The following LHX2 variants were observed in gnomAD, a reference collection of about 807,000 sequenced individuals.
LHX2 encodes the protein LIM/homeobox protein Lhx2.
Under a neutral mutation model 33.0 loss-of-function variants are expected in LHX2, and 6 were observed. The ratio of observed to expected loss-of-function variants is 0.18; its 90% CI spans 0.10 to 0.36. The LOEUF (loss-of-function observed/expected upper bound fraction) is 0.36, where lower values mean the gene tolerates loss of function less well. LHX2 is among the 10% of genes least tolerant of loss of function. The probability of loss-of-function intolerance (pLI) is 1.00; values close to 1 mark genes in which losing one functional copy is unlikely to be tolerated. For missense variants in LHX2, 442 were observed against 586.2 expected (o/e 0.75, Z 2.54); for synonymous variants, 292 against 253.1 (o/e 1.15, Z -1.46).
intron 4 of LHX2, among the ~76,000 whole-genome samples, chr9:124,023,994 A>C (rs748950842): frequency 2.4e-4 from 37 of 152,196 alleles, no homozygotes; most frequent in Non-Finnish European, 5.1e-4. Flanking sequence ...AATGATCTCC[A>C]CTTGCCCCAA....
chr9:124,013,930 G>A (rs1264702154), intron 1 of LHX2, 31 bp from the exon 2 acceptor site: 38 of 1,598,310 alleles, frequency 2.4e-5, no homozygotes, highest in Non-Finnish European at 3.1e-5. Flanking sequence ...TGACGCAGGC[G>A]CTGCTGTCTT....
At position 124,012,704 on chromosome 9, in the gene LHX2, T is replaced by C. The variant is rs2118740638; in HGVS notation, c.120+236T>C. On this transcript the variant is annotated intron_variant, in intron 1 of 4. Coordinates refer to ENST00000373615, the MANE Select transcript of LHX2 (RefSeq NM_004789.4). This position sits in a 1 kb window ranked among gnomAD's most constrained non-coding sequence, Gnocchi z 4.3. ...TCGGCCCTGGGGGTAGAGGAGAGCG[T>C]TTCTTCCGAACTGGAAGCGAAGTCC... is the stretch of plus-strand genomic sequence containing the variant. 6.6e-6 allele frequency among the ~76,000 whole-genome samples: 1 copy of C among 152,270 alleles called. No individual in the cohort carries two copies. The highest frequency in any genetic ancestry group is 1.9e-4 in the East Asian group (1 of 5,158).
rs1159691370 is a variant in LHX2, at chr9:124,032,438, C to A, written c.952C>A (p.Arg318=). Residue 318 remains arginine (R), a synonymous_variant, in exon 5 of 5, where the codon CGA becomes AGA. Coordinates refer to ENST00000373615, the MANE Select transcript of LHX2 (RefSeq NM_004789.4). This position sits in a 1 kb window ranked among gnomAD's most constrained non-coding sequence, Gnocchi z 4.1. ...CCCGCAGGTCTGGTTCCAGAACGCC[C>A]GAGCCAAGTTCAGGCGCAACCTCTT... ...RVLQVWFQNA[R]AKFRRNLLRQ... 4.4e-6 allele frequency: 7 copies of A among 1,594,136 alleles called. No homozygotes were observed. In the Admixed American group the frequency reaches 1.0e-4, roughly 23 times the overall value.
Position 124,012,192 on chromosome 9 carries a change from C to T in LHX2, c.-157C>T. 4.5e-6 allele frequency: 3 copies of T among 666,648 alleles called. No homozygotes were observed. The highest frequency in any genetic ancestry group is 6.0e-6 in the Non-Finnish European group (3 of 503,036). 41.3% of individuals were successfully genotyped at this position (666,648 alleles called of 1,614,324 possible). ...TCCTGCCCCGCGAGCGCCCGGGGCC[C>T]GGAGCCCGGCCTGGGGGCTCAGCCG... On this transcript the variant is annotated 5_prime_UTR_variant, in exon 1 of 5. Transcript: ENST00000373615. The surrounding 1 kb of genome is among the most constrained non-coding windows in gnomAD (Gnocchi z 4.3).
chr9:124,025,285 A>G (rs753023187), intron 4 of LHX2, among the ~76,000 whole-genome samples: 2 of 152,034 alleles, frequency 1.3e-5, no homozygotes, highest in Non-Finnish European at 2.9e-5. Context: ...TACTAAAAAT[A>G]CAAAAATTAG....
In LHX2 at chr9:124,014,296, A is replaced by C. The variant is rs1859148125; in HGVS notation, c.323+133A>C. On this transcript the variant is annotated intron_variant, in intron 2 of 4. Transcript: ENST00000373615. This position sits in a 1 kb window ranked among gnomAD's most constrained non-coding sequence, Gnocchi z 4.8. ...CTCAGGACTCCCCCGCTCCCCCCCCAAGTTCTCCAAGCCACCACAAGTTGG... is the reference window on the plus strand; with the variant it reads ...CTCAGGACTCCCCCGCTCCCCCCCCCAGTTCTCCAAGCCACCACAAGTTGG... The C allele has an allele frequency of 5.2e-6, 3 of 577,532 alleles. No homozygotes were observed. Among genetic ancestry groups the C allele is most frequent in the African/African-American group, 2.1e-5 (1 of 47,850 alleles). The allele number at this position is 577,532 out of a possible 1,614,324, so 35.8% of individuals were successfully genotyped here.
intron 3 of LHX2, 53 bp from the exon 4 acceptor site, chr9:124,021,046 G>A: frequency 1.3e-6 from 2 of 1,553,438 alleles, no homozygotes; most frequent in Non-Finnish European, 1.8e-6. Flanking sequence ...TGTGGATTTG[G>A]CATGGGGGGC....
rs559704373 is a variant in LHX2 at position 124,014,294 on chromosome 9, C to A, written c.323+131C>A. ...TACTCAGGACTCCCCCGCTCCCCCC[C>A]CAAGTTCTCCAAGCCACCACAAGTT... On this transcript the variant is annotated intron_variant, in intron 2 of 4. Coordinates refer to ENST00000373615, the MANE Select transcript of LHX2 (RefSeq NM_004789.4). The surrounding 1 kb of genome is among the most constrained non-coding windows in gnomAD (Gnocchi z 4.8). The A allele has an allele frequency of 4.0e-3, 2,491 of 621,172 alleles. 9 individuals carry two copies. The highest frequency in any genetic ancestry group is 6.1e-3 in the Non-Finnish European group (2,039 of 332,888). 38.5% of individuals were successfully genotyped at this position (621,172 alleles called of 1,614,324 possible).
intron 4 of LHX2, among the ~76,000 whole-genome samples, chr9:124,027,041 C>T (rs1828636192): frequency 6.6e-6 from 1 of 152,152 alleles, no homozygotes; most frequent in Non-Finnish European, 1.5e-5. Context: ...TTGGCCTAAA[C>T]CTCTCAGTTC....
intron 3 of LHX2, among the ~76,000 whole-genome samples, chr9:124,018,467 G>A (rs1282170783): frequency 2.0e-5 from 3 of 152,010 alleles, no homozygotes; most frequent in Non-Finnish European, 4.4e-5. Flanking sequence ...CTTGCCTCTG[G>A]CCGGCCTCGG....
intron 3 of LHX2, among the ~76,000 whole-genome samples, chr9:124,018,403 G>T (rs1331482648): frequency 6.6e-6 from 1 of 152,074 alleles, no homozygotes; most frequent in Non-Finnish European, 1.5e-5. Flanking sequence ...GGGGGTTCGG[G>T]GCGCCGGCCA....
At position 124,016,079 on chromosome 9, in the gene LHX2, TCGGC is replaced by T. The variant is rs1859185220; in HGVS notation, c.727+556_727+559del. Among the ~76,000 whole-genome samples, 1 of 152,236 alleles carries T rather than the reference TCGGC, an allele frequency of 6.6e-6. No individual in the cohort carries two copies. The highest frequency in any genetic ancestry group is 2.4e-5 in the African/African-American group (1 of 41,464). On this transcript the variant is annotated intron_variant, in intron 3 of 4. Coordinates refer to ENST00000373615, the MANE Select transcript of LHX2 (RefSeq NM_004789.4). The surrounding 1 kb of genome is among the most constrained non-coding windows in gnomAD (Gnocchi z 4.4). ...AAGCAAAGGCTGCGGTTCCTTTTGCTCGGCCCGATCCTCCTTTAAAGACAGGTCT... is the reference window on the plus strand; with the variant it reads ...AAGCAAAGGCTGCGGTTCCTTTTGCTCCGATCCTCCTTTAAAGACAGGTCT...
At position 124,015,060 on chromosome 9, in the gene LHX2, G is replaced by A. The variant is rs751419562; in HGVS notation, c.324-62G>A. On this transcript the variant is annotated intron_variant, in intron 2 of 4. Transcript: ENST00000373615. This position sits in a 1 kb window ranked among gnomAD's most constrained non-coding sequence, Gnocchi z 7.9. Reference sequence around the variant, plus strand: ...CCCCGCAGCAGCAGCGGCACCTGGAGGAGGAAAAGGGGGGTACCCAACCGT... The same window carrying A: ...CCCCGCAGCAGCAGCGGCACCTGGAAGAGGAAAAGGGGGGTACCCAACCGT... 9.5e-6 allele frequency: 15 copies of A among 1,578,006 alleles called. No homozygotes were observed. The highest frequency in any genetic ancestry group is 2.2e-5 in the East Asian group (1 of 44,572).
At chr9:124,026,518 A>G (rs1264239978) in intron 4 of LHX2, among the ~76,000 whole-genome samples, 1 of 151,886 alleles carries the variant, frequency 6.6e-6, no homozygotes, top group Non-Finnish European at 1.5e-5. Flanking sequence ...CCCAGAGGGC[A>G]TGTGGAGCAA....
rs897647717 is a variant in LHX2 at position 124,016,152 on chromosome 9, G to C, written c.727+627G>C. On this transcript the variant is annotated intron_variant, in intron 3 of 4. Coordinates refer to ENST00000373615, the MANE Select transcript of LHX2 (RefSeq NM_004789.4). This position sits in a 1 kb window ranked among gnomAD's most constrained non-coding sequence, Gnocchi z 4.4. ...TCCTCCGAGTTTCCTGGCGCCTGCT[G>C]GGGTGAGGGCCGTGACCCTCGGAAG... 9.9e-5 allele frequency among the ~76,000 whole-genome samples: 15 copies of C among 152,192 alleles called. No homozygotes were observed. Among genetic ancestry groups the C allele is most frequent in the African/African-American group, 3.6e-4 (15 of 41,452 alleles).
At chr9:124,013,068 C>G (rs1396148335) in intron 1 of LHX2, among the ~76,000 whole-genome samples, 1 of 152,192 alleles carries the variant, frequency 6.6e-6, no homozygotes, top group Non-Finnish European at 1.5e-5. Context: ...GAAGGAGACT[C>G]CATTTGGATC....
Position 124,032,363 on chromosome 9 carries a change from CG to C in LHX2, c.934-51del, listed in dbSNP as rs66776004. ...GCAGCAGAGCTCTGAGTGAAGCAGT[CG>C]GGGGGATGCTCTGCCTGCCTTCCGC... On this transcript the variant is annotated intron_variant, in intron 4 of 4. Transcript: ENST00000373615. This position sits in a 1 kb window ranked among gnomAD's most constrained non-coding sequence, Gnocchi z 4.1. The C allele has an allele frequency of 7.9e-6, 12 of 1,517,472 alleles. No homozygotes were observed. The highest frequency in any genetic ancestry group is 2.5e-5 in the South Asian group (2 of 79,400). 94.0% of individuals were successfully genotyped at this position (1,517,472 alleles called of 1,614,324 possible).
Position 124,014,199 on chromosome 9 carries a change from C to A in LHX2, c.323+36C>A. The A allele has an allele frequency of 1.5e-6, 2 of 1,367,836 alleles. No individual in the cohort carries two copies. Among genetic ancestry groups the A allele is most frequent in the African/African-American group, 1.6e-5 (1 of 63,186 alleles). 84.7% of individuals were successfully genotyped at this position (1,367,836 alleles called of 1,614,324 possible). A position where few individuals can be genotyped will look rare whatever the true frequency, so the allele number is the denominator to read the frequency against. On this transcript the variant is annotated intron_variant, in intron 2 of 4. Coordinates refer to ENST00000373615, the MANE Select transcript of LHX2 (RefSeq NM_004789.4). This position sits in a 1 kb window ranked among gnomAD's most constrained non-coding sequence, Gnocchi z 4.8. ...CACCCAACTGCCCCTCAGGACCCCTCCCCCCAATCTCAGGCACAGTCTTAC... is the reference window on the plus strand; with the variant it reads ...CACCCAACTGCCCCTCAGGACCCCTACCCCCAATCTCAGGCACAGTCTTAC...
At chr9:124,028,368 G>A (rs773932307) in intron 4 of LHX2, among the ~76,000 whole-genome samples, 2 of 152,186 alleles carry the variant, frequency 1.3e-5, no homozygotes, top group Non-Finnish European at 2.9e-5. Flanking sequence ...CAGACACACA[G>A]TCCAGAGAAC....
Sources: gnomAD v4.1 joint callset for allele counts (sites outside exome capture counted in the v4.1 genomes callset) on GRCh38, gnomAD v4.1.1 for gene constraint, Gnocchi (gnomAD v3.1) non-coding constraint, MANE v1.5 for transcripts, NCBI Gene and HGNC (gene_info 2026-07-23, HGNC 2026-07-21) for gene names.